The following LYRM4 variants were observed in gnomAD, a reference collection of about 807,000 sequenced individuals.
LYRM4 encodes the protein LYR motif-containing protein 4.
A neutral mutation model predicts 11.7 loss-of-function variants in LYRM4; 9 were observed. The observed-to-expected ratio is 0.77, with a 90% CI of 0.46 to 1.34. LYRM4 has a LOEUF of 1.34. Ranked by LOEUF, LYRM4 falls within the 40% of genes most tolerant of loss-of-function variation. LYRM4 has a pLI of 0.00. For synonymous variants in LYRM4, 42 were observed against 40.4 expected, an observed-to-expected ratio of 1.04 and a Z score of -0.15; for missense variants, 133 against 112.5, an observed-to-expected ratio of 1.18 and a Z score of -0.82.
the LYRM4 span, chr6:5,085,784 A>C: frequency 2.6e-6 from 4 of 1,528,060 alleles, no homozygotes; most frequent in Non-Finnish European, 3.5e-6. Flanking sequence ...AAGTTCCTGC[A>C]GCAGCAGCAG....
chr6:5,123,123 A>G (rs1398551002), intron 2 of LYRM4, among the ~76,000 whole-genome samples: 1 of 152,142 alleles, frequency 6.6e-6, no homozygotes, highest in Non-Finnish European at 1.5e-5. Flanking sequence ...GAGCCCCAAA[A>G]TGGTGAGAGG....
At chr6:5,089,289 C>T in the LYRM4 span, 3 of 152,162 alleles carry the variant, frequency 2.0e-5, no homozygotes, top group East Asian at 5.8e-4. Context: ...TCTGATATAC[C>T]ATTTCTTAAA....
the LYRM4 span, chr6:5,086,236 C>G: frequency 6.5e-7 from 1 of 1,535,542 alleles, no homozygotes; most frequent in Non-Finnish European, 8.7e-7. Context: ...CGTGACCGTG[C>G]GCTACACCTT....
At chr6:5,145,749 C>T (rs1217583388) in intron 2 of LYRM4, among the ~76,000 whole-genome samples, 1 of 152,216 alleles carries the variant, frequency 6.6e-6, no homozygotes, top group Non-Finnish European at 1.5e-5. Flanking sequence ...TATACGCCCA[C>T]TTCACGTGGT....
rs568634131 is a variant in LYRM4, at chr6:5,238,719, T to C, written c.86+21929A>G. Among the ~76,000 whole-genome samples, 12 of 152,334 alleles carry C rather than the reference T, an allele frequency of 7.9e-5. No individual in the cohort carries two copies. The South Asian group carries it at 1.2e-3, about 16-fold the overall frequency. On this transcript the variant is annotated intron_variant, in intron 1 of 2. Coordinates refer to ENST00000330636, the MANE Select transcript of LYRM4 (RefSeq NM_020408.6). ...TTATTTTGCTGAAGTTTCTACATGATAGGAAACAAATGCAAATTTTGACCC... is the reference window on the plus strand; with the variant it reads ...TTATTTTGCTGAAGTTTCTACATGACAGGAAACAAATGCAAATTTTGACCC...
At chr6:5,163,687 C>T (rs1217072335) in intron 2 of LYRM4, among the ~76,000 whole-genome samples, 1 of 150,006 alleles carries the variant, frequency 6.7e-6, no homozygotes, top group Non-Finnish European at 1.5e-5. Context: ...GATCTTGGCT[C>T]ACTGCAACTT....
intron 2 of LYRM4, 38 bp from the exon 3 acceptor site, chr6:5,109,529 C>T: frequency 6.3e-7 from 1 of 1,583,582 alleles, no homozygotes; most frequent in Non-Finnish European, 8.7e-7. Context: ...GGAACCGTGG[C>T]CCTCTAGCCC....
chr6:5,153,022 T>A (rs1469365045), intron 2 of LYRM4, among the ~76,000 whole-genome samples: 1 of 152,234 alleles, frequency 6.6e-6, no homozygotes, highest in Non-Finnish European at 1.5e-5. Context: ...CGTACCTAAT[T>A]CTGCCTCTGT....
At chr6:5,213,724 C>A (rs1762105074) in intron 2 of LYRM4, among the ~76,000 whole-genome samples, 1 of 152,132 alleles carries the variant, frequency 6.6e-6, no homozygotes, top group Non-Finnish European at 1.5e-5. Context: ...GTGGTATAGA[C>A]CCTGCCACTG....
intron 1 of LYRM4, among the ~76,000 whole-genome samples, chr6:5,220,837 G>T (rs573564535): frequency 2.6e-5 from 4 of 152,208 alleles, no homozygotes; most frequent in African/African-American, 9.6e-5. Flanking sequence ...TCCAGTTTTA[G>T]GTTTCTTTTT....
chr6:5,181,530 G>T (rs1465509479), intron 2 of LYRM4, among the ~76,000 whole-genome samples: 1 of 152,158 alleles, frequency 6.6e-6, no homozygotes, highest in African/African-American at 2.4e-5. Context: ...CCATTCCCTA[G>T]ATTTTCAAAT....
At chr6:5,127,083 G>A (rs1763730672) in intron 2 of LYRM4, among the ~76,000 whole-genome samples, 1 of 152,114 alleles carries the variant, frequency 6.6e-6, no homozygotes. Flanking sequence ...CCAAGTAGCT[G>A]GGTCCACAGG....
At chr6:5,072,761 T>C in the LYRM4 span, among the ~76,000 whole-genome samples, 1 of 152,082 alleles carries the variant, frequency 6.6e-6, no homozygotes, top group African/African-American at 2.4e-5. Context: ...GTTTGTTTGT[T>C]TGTTTTTATA....
chr6:5,130,275 G>C (rs1763890795), intron 2 of LYRM4, among the ~76,000 whole-genome samples: 1 of 152,144 alleles, frequency 6.6e-6, no homozygotes, highest in Admixed American at 6.5e-5. Context: ...TCTGGGATTA[G>C]TGGGCCTGGA....
At chr6:5,158,924 T>G (rs2127651033) in intron 2 of LYRM4, among the ~76,000 whole-genome samples, 1 of 151,896 alleles carries the variant, frequency 6.6e-6, no homozygotes, top group Admixed American at 6.6e-5. Flanking sequence ...TTTTAAAGGT[T>G]CATAATTGGA....
At chr6:5,212,223 A>T (rs1762021155) in intron 2 of LYRM4, among the ~76,000 whole-genome samples, 1 of 152,254 alleles carries the variant, frequency 6.6e-6, no homozygotes, top group Non-Finnish European at 1.5e-5. Flanking sequence ...CAAACTGCAG[A>T]GCTACAATAA....
chr6:5,090,053 CACAA>C, the LYRM4 span, among the ~76,000 whole-genome samples: 2 of 131,298 alleles, frequency 1.5e-5, no homozygotes, highest in African/African-American at 6.6e-5. This position sits in a 1 kb window ranked among gnomAD's most constrained non-coding sequence, Gnocchi z 4.8. Context: ...ACACACACAC[CACAA>C]ACAAAATCCC....
chr6:5,092,724 A>G, the LYRM4 span, among the ~76,000 whole-genome samples: 1 of 152,088 alleles, frequency 6.6e-6, no homozygotes, highest in Non-Finnish European at 1.5e-5. Flanking sequence ...TCTCAAAAAA[A>G]AATTCAGTCA....
chr6:5,183,839 T>G (rs1446479906), intron 2 of LYRM4, among the ~76,000 whole-genome samples: 1 of 152,226 alleles, frequency 6.6e-6, no homozygotes, highest in Non-Finnish European at 1.5e-5. Flanking sequence ...CCACTGCAGA[T>G]CTATTGTATA....
Sources: gnomAD v4.1 joint callset for allele counts (sites outside exome capture counted in the v4.1 genomes callset) on GRCh38, gnomAD v4.1.1 for gene constraint, Gnocchi (gnomAD v3.1) non-coding constraint, MANE v1.5 for transcripts, NCBI Gene and HGNC (gene_info 2026-07-23, HGNC 2026-07-21) for gene names.